ITGB8: variants seen among roughly 807,000 people sequenced by gnomAD.
ITGB8 encodes integrin beta-8.
Under a neutral mutation model 89.5 loss-of-function variants are expected in ITGB8, and 30 were observed. The observed-to-expected ratio is 0.34, with a 90% CI of 0.25 to 0.45. The LOEUF is 0.45. Among genes scored for constraint, ITGB8 ranks in the 20% least tolerant of loss-of-function variants. The pLI, the probability that ITGB8 is intolerant of heterozygous loss-of-function variation, is 1.00. For missense variants in ITGB8, 836 were observed against 933.3 expected (o/e 0.90, Z 1.36); for synonymous variants, 335 against 320.4 (o/e 1.05, Z -0.49).
intron 10 of ITGB8, among the ~76,000 whole-genome samples, chr7:20,404,337 G>T (rs17142799): frequency 0.043 from 6,505 of 152,266 alleles, 223 homozygotes; most frequent in African/African-American, 0.089. Flanking sequence ...AATGTAAAAC[G>T]GAATATGCAA....
At chr7:20,376,237 G>A (rs73266440) in intron 3 of ITGB8, among the ~76,000 whole-genome samples, 3,113 of 152,176 alleles carry the variant, frequency 0.02, 104 homozygotes, top group African/African-American at 0.071. Flanking sequence ...GAGTTCCTTT[G>A]GTACTAACTC....
At chr7:20,356,877 T>TTTAG (rs10636261) in intron 1 of ITGB8, among the ~76,000 whole-genome samples, 121,469 of 151,614 alleles carry the variant, frequency 0.8, 48,792 homozygotes, top group South Asian at 0.84. Flanking sequence ...TACTGTCCTT[T>TTTAG]TTAGTTTTGG....
chr7:20,361,555 G>T (rs989739688), intron 1 of ITGB8, among the ~76,000 whole-genome samples: 2 of 152,086 alleles, frequency 1.3e-5, no homozygotes, highest in African/African-American at 4.8e-5. Context: ...GAAGGGTGGG[G>T]CCCTCATGAT....
intron 8 of ITGB8, 102 bp downstream of exon 8, chr7:20,395,087 A>G (rs1787015970): frequency 1.5e-6 from 1 of 659,760 alleles, no homozygotes; most frequent in Non-Finnish European, 2.6e-6. Context: ...AGGAGTAGAA[A>G]GCATATTAGA....
At chr7:20,368,286 C>A (rs1432429511) in intron 3 of ITGB8, among the ~76,000 whole-genome samples, 1 of 152,134 alleles carries the variant, frequency 6.6e-6, no homozygotes, top group Non-Finnish European at 1.5e-5. Context: ...CTCTTCCCAC[C>A]TTCCATTGCA....
chr7:20,377,220 T>C (rs1786188451), intron 3 of ITGB8: 1 of 152,216 alleles, frequency 6.6e-6, no homozygotes, highest in East Asian at 1.9e-4. Context: ...GCAGTACCTC[T>C]GAAAACAGCC....
At chr7:20,382,011 C>G in intron 6 of ITGB8, 126 bp downstream of exon 6, 1 of 751,748 alleles carries the variant, frequency 1.3e-6, no homozygotes, top group South Asian at 1.9e-5. Flanking sequence ...CAAGGATAAG[C>G]CATGAGAGAG....
intron 1 of ITGB8, among the ~76,000 whole-genome samples, chr7:20,358,482 C>T (rs548076006): frequency 1.3e-5 from 2 of 150,342 alleles, no homozygotes; most frequent in Admixed American, 1.3e-4. Flanking sequence ...CTATTTTCTT[C>T]CTGCTCTTTC....
chr7:20,355,889 G>C (rs1347589981), intron 1 of ITGB8, among the ~76,000 whole-genome samples: 3 of 152,180 alleles, frequency 2.0e-5, no homozygotes, highest in Non-Finnish European at 4.4e-5. Flanking sequence ...ATAAGCATTG[G>C]TGGTACTTAG....
chr7:20,353,913 CAG>C (rs1491149546), intron 1 of ITGB8, among the ~76,000 whole-genome samples: 1 of 102,894 alleles, frequency 9.7e-6, no homozygotes, highest in African/African-American at 4.2e-5. Context: ...GCCTGGGCGA[CAG>C]AGCGAGACTC....
At chr7:20,396,473 T>C (rs1337904547) in intron 8 of ITGB8, among the ~76,000 whole-genome samples, 1 of 152,172 alleles carries the variant, frequency 6.6e-6, no homozygotes, top group Non-Finnish European at 1.5e-5. Context: ...AACTTTCATC[T>C]TCTAAAAGGA....
chr7:20,401,312 C>A (rs1227806894), intron 9 of ITGB8, among the ~76,000 whole-genome samples: 1 of 152,078 alleles, frequency 6.6e-6, no homozygotes, highest in African/African-American at 2.4e-5. Context: ...AGAGCAGAAG[C>A]CCTTTACTTT....
chr7:20,395,351 C>T (rs960966902), intron 8 of ITGB8, among the ~76,000 whole-genome samples: 8 of 152,162 alleles, frequency 5.3e-5, no homozygotes, highest in East Asian at 1.9e-4. Flanking sequence ...TCCACAGTTA[C>T]GTAAGGCAAT....
chr7:20,395,626 G>A (rs1226817671), intron 8 of ITGB8, among the ~76,000 whole-genome samples: 2 of 152,198 alleles, frequency 1.3e-5, no homozygotes, highest in Non-Finnish European at 2.9e-5. Context: ...TTCCTGAATA[G>A]AACCACCTCT....
intron 1 of ITGB8, among the ~76,000 whole-genome samples, chr7:20,335,920 C>A (rs1784556574): frequency 6.6e-6 from 1 of 151,108 alleles, no homozygotes; most frequent in Non-Finnish European, 1.5e-5. Context: ...GATGTTGATT[C>A]TTCCTCATTT....
chr7:20,338,571 G>A (rs922654152), intron 1 of ITGB8, among the ~76,000 whole-genome samples: 6 of 152,086 alleles, frequency 3.9e-5, no homozygotes, highest in Non-Finnish European at 7.3e-5. Flanking sequence ...AGGTTGCAGT[G>A]AGCCAAGATC....
At chr7:20,341,711 C>T (rs559797872) in intron 1 of ITGB8, among the ~76,000 whole-genome samples, 180 of 152,168 alleles carry the variant, frequency 1.2e-3, no homozygotes, top group African/African-American at 3.4e-3. Context: ...TAGGGCTGTC[C>T]GGGGCTGACA....
intron 2 of ITGB8, 94 bp downstream of exon 2, chr7:20,363,816 GA>G (rs1420282457): frequency 1.4e-5 from 8 of 582,938 alleles, no homozygotes; most frequent in South Asian, 4.8e-5. Flanking sequence ...GGTGCATCAG[GA>G]AAAATAAAGA....
intron 9 of ITGB8, among the ~76,000 whole-genome samples, chr7:20,400,974 T>TATTA (rs768276110): frequency 2.8e-4 from 42 of 152,166 alleles, no homozygotes; most frequent in South Asian, 1.7e-3. Flanking sequence ...TTTTGATTTT[T>TATTA]ATTTATTTAT....
Sources: allele counts gnomAD v4.1 joint callset (sites outside exome capture counted in the v4.1 genomes callset), GRCh38; gene constraint gnomAD v4.1.1; transcripts MANE v1.5; gene names NCBI Gene and HGNC (gene_info 2026-07-23, HGNC 2026-07-21).